ITPK1: variants seen among roughly 807,000 people sequenced by gnomAD.
ITPK1 encodes the protein inositol 1,3,4-trisphosphate 5/6-kinase.
In ITPK1, 21 loss-of-function variants were observed where a neutral mutation model predicts 45.3. That is an observed-to-expected ratio of 0.46 (90% CI 0.33 to 0.67). ITPK1 has a LOEUF of 0.67. Among genes scored for constraint, ITPK1 ranks in the 30% least tolerant of loss-of-function variants. ITPK1 has a pLI of 0.02. For synonymous variants in ITPK1, 258 were observed against 253.6 expected (o/e 1.02, Z -0.16); for missense variants, 474 against 573.5 (o/e 0.83, Z 1.77).
chr14:92,993,792 C>A, intron 5 of ITPK1, 88 bp downstream of exon 5: 2 of 796,436 alleles, frequency 2.5e-6, no homozygotes, highest in South Asian at 1.4e-5. Flanking sequence ...AAGACAAGAC[C>A]CCTCTGTCTC....
chr14:92,991,997 A>T (rs1886813658), intron 5 of ITPK1, among the ~76,000 whole-genome samples: 1 of 152,196 alleles, frequency 6.6e-6, no homozygotes, highest in Admixed American at 6.5e-5. Flanking sequence ...CCAGAACACC[A>T]GCAGAACTCA....
At chr14:93,040,986 C>G (rs1019582537) in intron 3 of ITPK1, among the ~76,000 whole-genome samples, 1 of 152,208 alleles carries the variant, frequency 6.6e-6, no homozygotes, top group Non-Finnish European at 1.5e-5. Flanking sequence ...TGTCTATGCA[C>G]TGAGCTCAGA....
chr14:92,949,901 G>A (rs890442575), intron 9 of ITPK1, among the ~76,000 whole-genome samples: 1 of 152,192 alleles, frequency 6.6e-6, no homozygotes, highest in Non-Finnish European at 1.5e-5. Flanking sequence ...CAGAGGAACT[G>A]GGAAGGCGTT....
chr14:93,022,309 G>A (rs1566740415), intron 3 of ITPK1, among the ~76,000 whole-genome samples: 1 of 152,316 alleles, frequency 6.6e-6, no homozygotes, highest in East Asian at 1.9e-4. Context: ...ATTGACAAGA[G>A]AAAAGACACA....
intron 5 of ITPK1, among the ~76,000 whole-genome samples, chr14:92,981,379 A>T (rs114058444): frequency 2.6e-5 from 4 of 152,042 alleles, no homozygotes; most frequent in African/African-American, 9.6e-5. Context: ...AATAGCCCCC[A>T]TTTCTCCTGA....
chr14:92,973,645 G>A (rs2139766833), intron 5 of ITPK1, among the ~76,000 whole-genome samples: 1 of 152,358 alleles, frequency 6.6e-6, no homozygotes, highest in Non-Finnish European at 1.5e-5. Flanking sequence ...CAGCCTGACA[G>A]CAGCTCTGGA....
At chr14:93,055,338 C>G (rs1169493256) in intron 3 of ITPK1, among the ~76,000 whole-genome samples, 1 of 152,168 alleles carries the variant, frequency 6.6e-6, no homozygotes, top group Non-Finnish European at 1.5e-5. Context: ...GGAGGATTTG[C>G]AGGGCCAAAG....
At chr14:93,028,332 G>A (rs2139883129) in intron 3 of ITPK1, among the ~76,000 whole-genome samples, 1 of 152,342 alleles carries the variant, frequency 6.6e-6, no homozygotes, top group South Asian at 2.1e-4. Context: ...ACTGTGACAT[G>A]AGCCGGAAAC....
At chr14:93,051,305 C>A (rs1202102704) in intron 3 of ITPK1, among the ~76,000 whole-genome samples, 1 of 152,138 alleles carries the variant, frequency 6.6e-6, no homozygotes, top group African/African-American at 2.4e-5. Context: ...ACATGCAGAC[C>A]CCAGATCAAA....
At chr14:92,949,099 T>A (rs1887834966) in intron 9 of ITPK1, among the ~76,000 whole-genome samples, 1 of 151,734 alleles carries the variant, frequency 6.6e-6, no homozygotes, top group South Asian at 2.1e-4. Context: ...CTTTCTTTTT[T>A]TTTTTTTCTT....
intron 4 of ITPK1, among the ~76,000 whole-genome samples, chr14:93,011,970 G>A (rs900344778): frequency 4.2e-5 from 6 of 141,226 alleles, no homozygotes; most frequent in Admixed American, 7.4e-5. Flanking sequence ...CTCCAACCTC[G>A]CTGACACCTG....
At position 92,980,572 on chromosome 14, in the gene ITPK1, C is replaced by A. The variant is rs917414981; in HGVS notation, c.364+13308G>T. Among the ~76,000 whole-genome samples the A allele has an allele frequency of 2.0e-5, 3 of 152,200 alleles. No homozygotes were observed. The East Asian group carries it at 5.8e-4, about 29-fold the overall frequency. On this transcript the variant is annotated intron_variant, in intron 5 of 10. Coordinates refer to ENST00000267615, the MANE Select transcript of ITPK1 (RefSeq NM_014216.6). The stretch of plus-strand genomic sequence containing the variant: ...GGAATGCCCTCCCTTCTCATCTCTG[C>A]CTGTTGAAATGGAATCTTTATCACT...
At chr14:93,094,882 C>T (rs1892007721) in intron 2 of ITPK1, among the ~76,000 whole-genome samples, 1 of 152,254 alleles carries the variant, frequency 6.6e-6, no homozygotes, top group Non-Finnish European at 1.5e-5. Flanking sequence ...TGTTGAAGGA[C>T]TCCTGGCTCC....
intron 3 of ITPK1, among the ~76,000 whole-genome samples, chr14:93,029,953 C>T (rs187115926): frequency 6.6e-6 from 1 of 152,340 alleles, no homozygotes. Flanking sequence ...AGCTCTCAGC[C>T]AGATGAATTC....
chr14:92,947,607 A>G (rs958781638), intron 9 of ITPK1, among the ~76,000 whole-genome samples: 3 of 152,220 alleles, frequency 2.0e-5, no homozygotes, highest in African/African-American at 7.2e-5. Context: ...TCTCAGACTT[A>G]TGTTGATAAG....
Position 93,115,902 on chromosome 14 carries a change from T to A in ITPK1, c.-273A>T, listed in dbSNP as rs1316263143. ...CCCCGCGCTGGCCCGGCCGCCCCGCTTGAGCCCGCGGCGGCGAGGAAGCGG... is the reference window on the plus strand; with the variant it reads ...CCCCGCGCTGGCCCGGCCGCCCCGCATGAGCCCGCGGCGGCGAGGAAGCGG... On this transcript the variant is annotated 5_prime_UTR_variant, in exon 1 of 11. The change creates a new upstream start codon in the 5' untranslated region. Coordinates refer to ENST00000267615, the MANE Select transcript of ITPK1 (RefSeq NM_014216.6). The A allele has an allele frequency of 1.4e-5, 2 of 144,874 alleles. No homozygotes were observed. The highest frequency in any genetic ancestry group is 3.1e-5 in the Non-Finnish European group (2 of 65,322). 9.0% of individuals were successfully genotyped at this position (144,874 alleles called of 1,614,324 possible). A position where few individuals can be genotyped will look rare whatever the true frequency, so the allele number is the denominator to read the frequency against.
At chr14:93,028,875 G>A (rs992382966) in intron 3 of ITPK1, among the ~76,000 whole-genome samples, 2 of 152,216 alleles carry the variant, frequency 1.3e-5, no homozygotes, top group East Asian at 3.9e-4. Flanking sequence ...TCCTCGCAGT[G>A]GTGCCTACTC....
Position 93,115,280 on chromosome 14 carries a change from G to C in ITPK1, c.-117C>G, listed in dbSNP as rs1389696148. 6.2e-6 allele frequency: 4 copies of C among 643,064 alleles called. No homozygotes were observed. The highest frequency in any genetic ancestry group is 3.6e-5 in the South Asian group (2 of 55,634). 39.8% of individuals were successfully genotyped at this position (643,064 alleles called of 1,614,324 possible). A position where few individuals can be genotyped will look rare whatever the true frequency, so the allele number is the denominator to read the frequency against. On this transcript the variant is annotated 5_prime_UTR_variant, in exon 2 of 11. Transcript: ENST00000267615. ...CCTCCCGGCGGCGGGGACGCGGAAC[G>C]GGGATCGGAGCTGGGGCGCGCAGTC...
intron 4 of ITPK1, among the ~76,000 whole-genome samples, chr14:93,011,976 A>T (rs751810957): frequency 7.3e-5 from 11 of 150,364 alleles, no homozygotes; most frequent in Non-Finnish European, 1.5e-4. Context: ...CCTCGCTGAC[A>T]CCTGGAGACA....
Sources: allele counts gnomAD v4.1 joint callset (sites outside exome capture counted in the v4.1 genomes callset), GRCh38; gene constraint gnomAD v4.1.1; transcripts MANE v1.5; gene names NCBI Gene and HGNC (gene_info 2026-07-23, HGNC 2026-07-21).